PIGU: variants seen among roughly 807,000 people sequenced by gnomAD.
PIGU encodes the protein GPI-anchor transamidase component PIGU.
PIGU carries 24 observed loss-of-function variants against 49.9 expected under a neutral mutation model. The observed-to-expected ratio is 0.48, with a 90% CI of 0.35 to 0.68. The LOEUF is 0.68. Among genes scored for constraint, PIGU ranks in the 30% least tolerant of loss-of-function variants. The pLI is 0.01. For missense variants in PIGU, 490 were observed against 532.6 expected, an observed-to-expected ratio of 0.92 and a Z score of 0.79; for synonymous variants, 220 against 205.7, an observed-to-expected ratio of 1.07 and a Z score of -0.59.
chr20:34,618,622 A>C lies in PIGU; in HGVS notation c.530-2483T>G, dbSNP rs1985096681. ...CATAGTAAAACCCCATCTCTACAAAAATAAAAATAAAAAAATAAGCTGGGT... is the reference window on the plus strand; with the variant it reads ...CATAGTAAAACCCCATCTCTACAAACATAAAAATAAAAAAATAAGCTGGGT... On this transcript the variant is annotated intron_variant, in intron 6 of 11. Coordinates refer to ENST00000217446, the MANE Select transcript of PIGU (RefSeq NM_080476.5). Among the ~76,000 whole-genome samples, 4 of 152,190 alleles carry C rather than the reference A, an allele frequency of 2.6e-5. No individual in the cohort carries two copies. In the South Asian group the frequency reaches 8.3e-4, roughly 32 times the overall value.
intron 1 of PIGU, among the ~76,000 whole-genome samples, chr20:34,659,104 C>T (rs370735707): frequency 2.2e-4 from 30 of 138,270 alleles, no homozygotes; most frequent in East Asian, 1.7e-3. Flanking sequence ...CCCGGCCAGC[C>T]GCCCCGTCCG....
At chr20:34,583,530 G>A (rs1184939139) in intron 9 of PIGU, among the ~76,000 whole-genome samples, 1 of 152,234 alleles carries the variant, frequency 6.6e-6, no homozygotes, top group African/African-American at 2.4e-5. Context: ...GTGTGGGCCT[G>A]GCTTAGGTCA....
At chr20:34,617,453 G>A (rs1055027761) in intron 6 of PIGU, among the ~76,000 whole-genome samples, 1 of 152,232 alleles carries the variant, frequency 6.6e-6, no homozygotes, top group Non-Finnish European at 1.5e-5. Flanking sequence ...GGAACTTTAA[G>A]ATTTGTCTGC....
chr20:34,656,432 A>AC (rs1204760057), intron 2 of PIGU, among the ~76,000 whole-genome samples: 4,913 of 75,812 alleles, frequency 0.065, 96 homozygotes, highest in Middle Eastern at 0.1. Flanking sequence ...ACAGGCGCCC[A>AC]CTACCGCGCC....
intron 11 of PIGU, among the ~76,000 whole-genome samples, chr20:34,567,982 C>A (rs927120241): frequency 6.6e-6 from 1 of 152,194 alleles, no homozygotes; most frequent in African/African-American, 2.4e-5. Context: ...GCTGCCCTGT[C>A]CTGCCCATGT....
At chr20:34,619,280 A>T (rs1030718568) in intron 6 of PIGU, among the ~76,000 whole-genome samples, 1 of 152,180 alleles carries the variant, frequency 6.6e-6, no homozygotes, top group Non-Finnish European at 1.5e-5. Context: ...TGGCAAGCAC[A>T]CATCTGCTGA....
At chr20:34,614,625 CAA>C (rs11477079) in intron 7 of PIGU, among the ~76,000 whole-genome samples, 262 of 113,888 alleles carry the variant, frequency 2.3e-3, no homozygotes, top group Admixed American at 6.2e-3. Context: ...GACCTGCTCT[CAA>C]AAAAAAAAAA....
chr20:34,582,933 G>C (rs928415555), intron 9 of PIGU, among the ~76,000 whole-genome samples: 1 of 152,078 alleles, frequency 6.6e-6, no homozygotes, highest in Non-Finnish European at 1.5e-5. Flanking sequence ...CCAACAGGGA[G>C]AGGCTGGATC....
intron 11 of PIGU, among the ~76,000 whole-genome samples, chr20:34,570,833 T>C (rs976812102): frequency 6.6e-6 from 1 of 152,240 alleles, no homozygotes; most frequent in Non-Finnish European, 1.5e-5. Context: ...TTTTTGTTTA[T>C]ATGTAATCCT....
At position 34,593,083 on chromosome 20, in the gene PIGU, T is replaced by C. The variant is rs542622651; in HGVS notation, c.628-4476A>G. 3.9e-5 allele frequency among the ~76,000 whole-genome samples: 6 copies of C among 152,206 alleles called. No homozygotes were observed. In the South Asian group the frequency reaches 1.2e-3, roughly 32 times the overall value. On this transcript the variant is annotated intron_variant, in intron 7 of 11. Transcript: ENST00000217446. Reference sequence around the variant, plus strand: ...CAGGTGTGATGGCTCATGTCTGTAATCCCAGCACTTTGGGAACCAGAGGAG... The same window carrying C: ...CAGGTGTGATGGCTCATGTCTGTAACCCCAGCACTTTGGGAACCAGAGGAG...
intron 6 of PIGU, among the ~76,000 whole-genome samples, chr20:34,621,798 G>A (rs1176921229): frequency 6.6e-6 from 1 of 152,208 alleles, no homozygotes; most frequent in Non-Finnish European, 1.5e-5. Flanking sequence ...TACGAAGAGT[G>A]TGATGGGTGC....
chr20:34,575,237 T>G lies in PIGU; in HGVS notation c.1061A>C (p.Asn354Thr). The change falls in exon 11 of 12, where the codon AAC (asparagine) becomes ACC (threonine). Residue 354 changes from asparagine to threonine, a missense_variant. Coordinates refer to ENST00000217446, the MANE Select transcript of PIGU (RefSeq NM_080476.5). ...GATGATGCAGGTGAGGACAAAGATG[T>G]TTCTCAGGACTGCAAAGACAGAGGG... ...VWNHLYRFLRNIFVLTCIIIV... is the reference protein window; with the variant it reads ...VWNHLYRFLRTIFVLTCIIIV... 6.2e-7 allele frequency: 1 copy of G among 1,613,930 alleles called. No individual in the cohort carries two copies. Among genetic ancestry groups the G allele is most frequent in the Non-Finnish European group, 8.5e-7 (1 of 1,179,930 alleles).
At chr20:34,607,158 C>G (rs1013931517) in intron 7 of PIGU, among the ~76,000 whole-genome samples, 2 of 152,164 alleles carry the variant, frequency 1.3e-5, no homozygotes, top group Admixed American at 1.3e-4. Flanking sequence ...ACATTGTTCT[C>G]TAAAAACCAT....
chr20:34,582,542 T>G (rs1983524621), intron 9 of PIGU, among the ~76,000 whole-genome samples: 1 of 152,008 alleles, frequency 6.6e-6, no homozygotes, highest in African/African-American at 2.4e-5. Flanking sequence ...TAGCCGGGTG[T>G]GGTGGCATAT....
At chr20:34,671,473 G>T (rs1270026055) in intron 1 of PIGU, among the ~76,000 whole-genome samples, 1 of 151,960 alleles carries the variant, frequency 6.6e-6, no homozygotes, top group Non-Finnish European at 1.5e-5. Flanking sequence ...ATGTCGGTCA[G>T]GCTAGTCCCG....
chr20:34,640,716 C>A (rs1402502051), intron 4 of PIGU, among the ~76,000 whole-genome samples: 1 of 152,072 alleles, frequency 6.6e-6, no homozygotes, highest in Non-Finnish European at 1.5e-5. Context: ...CACTAATCAG[C>A]TTGTAGACAG....
At chr20:34,622,845 A>G (rs1985296805) in intron 6 of PIGU, among the ~76,000 whole-genome samples, 1 of 152,220 alleles carries the variant, frequency 6.6e-6, no homozygotes, top group South Asian at 2.1e-4. Context: ...TAGGGATATT[A>G]GAGTAAATCA....
At chr20:34,576,707 G>A (rs1041290447) in intron 10 of PIGU, among the ~76,000 whole-genome samples, 12 of 152,034 alleles carry the variant, frequency 7.9e-5, no homozygotes, top group Admixed American at 6.6e-4. Flanking sequence ...CTGAAGCCTC[G>A]AATTCCTGGG....
chr20:34,588,518 T>C lies in PIGU; in HGVS notation c.717A>G (p.Val239=), dbSNP rs1983796393. 6.2e-7 allele frequency: 1 copy of C among 1,613,868 alleles called. No homozygotes were observed. Among genetic ancestry groups the C allele is most frequent in the Non-Finnish European group, 8.5e-7 (1 of 1,179,736 alleles). ...GAAGGAAGAAGGAGAGGCAAATGAT[T>C]ACCACTAGGCTTCCCACATACATCA... ...YAMMYVGSLV[V]IICLSFFLLS... The change falls in exon 8 of 12, where the codon GTA becomes GTG. Residue 239 remains valine (V), a synonymous_variant. Transcript: ENST00000217446.
Sources: allele counts gnomAD v4.1 joint callset (sites outside exome capture counted in the v4.1 genomes callset), GRCh38; gene constraint gnomAD v4.1.1; transcripts MANE v1.5; gene names NCBI Gene and HGNC (gene_info 2026-07-23, HGNC 2026-07-21).